SMYD3: variants seen among roughly 807,000 people sequenced by gnomAD.
SMYD3 encodes the protein SET and MYND domain containing 3.
Under a neutral mutation model 57.7 loss-of-function variants are expected in SMYD3, and 36 were observed. The observed-to-expected ratio is 0.62, with a 90% CI of 0.48 to 0.82. The LOEUF (loss-of-function observed/expected upper bound fraction) is 0.82, where lower values mean the gene tolerates loss of function less well. SMYD3 is among the 40% of genes least tolerant of loss of function. The pLI is 0.00. For missense variants in SMYD3, 515 were observed against 538.8 expected (o/e 0.96, Z 0.44); for synonymous variants, 211 against 195.0 (o/e 1.08, Z -0.68).
At chr1:246,008,858 T>G (rs1001165769) in intron 5 of SMYD3, among the ~76,000 whole-genome samples, 9 of 152,116 alleles carry the variant, frequency 5.9e-5, no homozygotes, top group African/African-American at 2.2e-4. Flanking sequence ...GCCTGCAGAG[T>G]GAGGTAAATC....
intron 5 of SMYD3, among the ~76,000 whole-genome samples, chr1:246,060,524 T>C (rs1187954526): frequency 6.6e-6 from 1 of 151,660 alleles, no homozygotes; most frequent in Non-Finnish European, 1.5e-5. Context: ...TTTCTGAAGA[T>C]AAAAAAGGAA....
intron 10 of SMYD3, among the ~76,000 whole-genome samples, chr1:245,776,483 T>C (rs1223252636): frequency 1.3e-5 from 2 of 152,254 alleles, no homozygotes; most frequent in East Asian, 3.8e-4. Context: ...TAGTTTGGCA[T>C]CAATGAGCTT....
intron 10 of SMYD3, among the ~76,000 whole-genome samples, chr1:245,824,723 G>T (rs941224706): frequency 2.0e-5 from 3 of 152,126 alleles, no homozygotes; most frequent in African/African-American, 7.2e-5. Flanking sequence ...AGGTGTGGTG[G>T]TGCATGCCTG....
At chr1:246,420,341 C>A (rs2102996798) in intron 1 of SMYD3, among the ~76,000 whole-genome samples, 1 of 152,318 alleles carries the variant, frequency 6.6e-6, no homozygotes, top group African/African-American at 2.4e-5. Flanking sequence ...AGAGACTGCT[C>A]CTACAGCTTG....
chr1:246,293,426 T>C (rs2064733845), intron 5 of SMYD3, among the ~76,000 whole-genome samples: 1 of 152,192 alleles, frequency 6.6e-6, no homozygotes, highest in South Asian at 2.1e-4. Flanking sequence ...CTGTAACTTA[T>C]TTTAAGCCAG....
chr1:246,161,668 T>C (rs1005328603), intron 5 of SMYD3, among the ~76,000 whole-genome samples: 1 of 152,228 alleles, frequency 6.6e-6, no homozygotes, highest in African/African-American at 2.4e-5. Flanking sequence ...ATCATTCTTA[T>C]CAAATGTATG....
In SMYD3 at chr1:246,433,488, C is replaced by T. The variant is rs2067327654; in HGVS notation, c.164+73566G>A. Among the ~76,000 whole-genome samples, 3 of 152,046 alleles carry T rather than the reference C, an allele frequency of 2.0e-5. No individual in the cohort carries two copies. In the South Asian group the frequency reaches 6.2e-4, roughly 32 times the overall value. ...CCAGCCTGGACAACATGGTAAAACC[C>T]CATCTCTACTAAAAATACAAAAATT... On this transcript the variant is annotated intron_variant, in intron 1 of 11. Transcript: ENST00000490107.
At chr1:246,351,296 A>G (rs577689521) in intron 2 of SMYD3, among the ~76,000 whole-genome samples, 1 of 152,320 alleles carries the variant, frequency 6.6e-6, no homozygotes, top group Admixed American at 6.5e-5. Context: ...TAATTCATTC[A>G]ACTAGAAATG....
chr1:246,336,943 TAC>T (rs1558409299), intron 2 of SMYD3, among the ~76,000 whole-genome samples: 2 of 152,180 alleles, frequency 1.3e-5, no homozygotes. Flanking sequence ...AGTAAAAACA[TAC>T]AGTTTCACCA....
At chr1:245,859,044 GT>G (rs1429702202) in intron 9 of SMYD3, among the ~76,000 whole-genome samples, 3 of 152,180 alleles carry the variant, frequency 2.0e-5, no homozygotes, top group Admixed American at 6.5e-5. Flanking sequence ...TATTTACTCT[GT>G]TAGCTTCTGT....
intron 10 of SMYD3, chr1:245,814,232 T>C (rs2048659696): frequency 3.5e-6 from 1 of 289,642 alleles, no homozygotes; most frequent in Non-Finnish European, 5.2e-6. Flanking sequence ...CCTGCATTTC[T>C]GGTCTACTCC....
intron 5 of SMYD3, among the ~76,000 whole-genome samples, chr1:245,972,232 G>C (rs1054890065): frequency 1.3e-5 from 2 of 152,202 alleles, no homozygotes; most frequent in South Asian, 2.1e-4. Flanking sequence ...ACCAAGTCCT[G>C]AGACACCTTA....
At chr1:246,170,856 G>A (rs1342758593) in intron 5 of SMYD3, among the ~76,000 whole-genome samples, 3 of 152,076 alleles carry the variant, frequency 2.0e-5, no homozygotes, top group African/African-American at 7.2e-5. Context: ...CTTAAAGCTC[G>A]TAGACTTCTT....
intron 5 of SMYD3, among the ~76,000 whole-genome samples, chr1:246,042,271 T>C (rs961472106): frequency 2.0e-5 from 3 of 152,160 alleles, no homozygotes; most frequent in Non-Finnish European, 4.4e-5. Flanking sequence ...TTCACAGATA[T>C]ATACTAAATA....
intron 5 of SMYD3, among the ~76,000 whole-genome samples, chr1:246,085,129 ACTAT>A: frequency 6.6e-6 from 1 of 152,338 alleles, no homozygotes; most frequent in Admixed American, 6.5e-5. Context: ...AAAGTGTTAC[ACTAT>A]CTATAGTAAA....
chr1:245,954,599 C>T (rs1278281992), intron 5 of SMYD3, among the ~76,000 whole-genome samples: 4 of 152,050 alleles, frequency 2.6e-5, no homozygotes, highest in Non-Finnish European at 4.4e-5. Flanking sequence ...TCGCTTGAGC[C>T]CCCAGGAAGC....
rs1458936448 is a variant in SMYD3 at position 245,749,388 on chromosome 1, C to T, written c.*175G>A. On this transcript the variant is annotated 3_prime_UTR_variant, in exon 12 of 12. Coordinates refer to ENST00000490107, the MANE Select transcript of SMYD3 (RefSeq NM_001167740.2). ...TTGAATTTATTATAATCGTGCTTCTCTACAACTAATGATTCTTGTGGTTTG... is the reference window on the plus strand; with the variant it reads ...TTGAATTTATTATAATCGTGCTTCTTTACAACTAATGATTCTTGTGGTTTG... The T allele has an allele frequency of 1.9e-6, 1 of 532,616 alleles. No individual in the cohort carries two copies. The highest frequency in any genetic ancestry group is 1.9e-5 in the African/African-American group (1 of 52,112). 33.0% of individuals were successfully genotyped at this position (532,616 alleles called of 1,614,324 possible).
At chr1:246,129,747 C>T (rs576510134) in intron 5 of SMYD3, among the ~76,000 whole-genome samples, 25 of 152,220 alleles carry the variant, frequency 1.6e-4, no homozygotes, top group East Asian at 1.2e-3. Context: ...ATTTCCCCAT[C>T]GAGTTGAGAA....
At chr1:246,191,660 A>G (rs1345721365) in intron 5 of SMYD3, among the ~76,000 whole-genome samples, 1 of 152,230 alleles carries the variant, frequency 6.6e-6, no homozygotes, top group Non-Finnish European at 1.5e-5. Flanking sequence ...GGAGAAAACC[A>G]GAAAGGTCTT....
Sources: gnomAD v4.1 joint callset for allele counts (sites outside exome capture counted in the v4.1 genomes callset) on GRCh38, gnomAD v4.1.1 for gene constraint, MANE v1.5 for transcripts, NCBI Gene and HGNC (gene_info 2026-07-23, HGNC 2026-07-21) for gene names.